The following CDC14A variants were observed in gnomAD, a reference collection of about 807,000 sequenced individuals.
CDC14A encodes dual specificity protein phosphatase CDC14A.
Under a neutral mutation model 74.4 loss-of-function variants are expected in CDC14A, and 53 were observed. The ratio of observed to expected loss-of-function variants is 0.71; its 90% CI spans 0.57 to 0.89. CDC14A has a LOEUF of 0.89. CDC14A is among the 40% of genes least tolerant of loss of function. CDC14A has a pLI of 0.00. For synonymous variants in CDC14A, 247 were observed against 258.4 expected, an observed-to-expected ratio of 0.96 and a Z score of 0.43; for missense variants, 646 against 713.7, an observed-to-expected ratio of 0.91 and a Z score of 1.08.
intron 4 of CDC14A, among the ~76,000 whole-genome samples, chr1:100,392,754 C>G (rs1299229650): frequency 1.3e-5 from 2 of 152,132 alleles, no homozygotes; most frequent in East Asian, 3.8e-4. Flanking sequence ...GCCCACATGG[C>G]TCAAAATTAA....
chr1:100,431,930 T>C (rs1663739239), intron 5 of CDC14A, among the ~76,000 whole-genome samples: 1 of 152,112 alleles, frequency 6.6e-6, no homozygotes. Flanking sequence ...TCTTGGTCTG[T>C]TTTTCTGGTG....
At chr1:100,483,024 G>A (rs368974356) in intron 10 of CDC14A, among the ~76,000 whole-genome samples, 10 of 152,038 alleles carry the variant, frequency 6.6e-5, no homozygotes, top group East Asian at 3.8e-4. Context: ...CCTTGTCTTT[G>A]CTATTGTGAA....
intron 5 of CDC14A, 49 bp downstream of exon 5, chr1:100,424,350 C>A: frequency 7.7e-7 from 1 of 1,290,650 alleles, no homozygotes; most frequent in Non-Finnish European, 1.1e-6. Flanking sequence ...CAGAGCTGGA[C>A]ACTTTAGAGT....
At chr1:100,390,704 A>G (rs1390315054) in intron 3 of CDC14A, 28 bp from the exon 4 acceptor site, 1 of 1,423,530 alleles carries the variant, frequency 7.0e-7, no homozygotes, top group Non-Finnish European at 9.9e-7. Context: ...CTATGGTTAC[A>G]CTAACTCTTT....
intron 3 of CDC14A, among the ~76,000 whole-genome samples, chr1:100,388,137 A>G (rs1280462623): frequency 3.3e-5 from 5 of 152,208 alleles, no homozygotes; most frequent in Admixed American, 3.3e-4. Context: ...GAGCCATAAG[A>G]GCGTCGAGTC....
rs17122597 is a variant in CDC14A at position 100,468,020 on chromosome 1, T to A, written c.903T>A (p.His301Gln). The A allele has an allele frequency of 6.2e-7, 1 of 1,613,030 alleles. No homozygotes were observed. The highest frequency in any genetic ancestry group is 1.7e-5 in the Admixed American group (1 of 59,838). The change falls in exon 10 of 16, where the codon CAT (histidine) becomes CAA (glutamine). Residue 301 changes from histidine to glutamine, a missense_variant. His to Gln is a conservative substitution (Grantham distance 24). Transcript: ENST00000336454. ...TAATGAAACACTACAGGTTTACACATGCTGAAATAATTGCTTGGATTAGAA... is the reference window on the plus strand; with the variant it reads ...TAATGAAACACTACAGGTTTACACAAGCTGAAATAATTGCTTGGATTAGAA... ...CYVMKHYRFTHAEIIAWIRIC... is the reference protein window; with the variant it reads ...CYVMKHYRFTQAEIIAWIRIC...
chr1:100,412,985 A>G (rs923899165), intron 4 of CDC14A, among the ~76,000 whole-genome samples: 1 of 151,076 alleles, frequency 6.6e-6, no homozygotes, highest in Non-Finnish European at 1.5e-5. Context: ...TAAACCCGGG[A>G]GATGGAGGTT....
upstream of CDC14A, among the ~76,000 whole-genome samples, chr1:100,351,444 A>G (rs1487680857): frequency 2.0e-5 from 3 of 152,228 alleles, no homozygotes; most frequent in Non-Finnish European, 4.4e-5. Flanking sequence ...CTGATTAGGT[A>G]CAGCCTTAGG....
chr1:100,447,536 A>G (rs1216496747), intron 7 of CDC14A, among the ~76,000 whole-genome samples: 1 of 152,242 alleles, frequency 6.6e-6, no homozygotes, highest in African/African-American at 2.4e-5. Context: ...TTCTTAAGGT[A>G]TTCTCAAAGA....
chr1:100,418,299 A>T lies in CDC14A; in HGVS notation c.310-5923A>T, dbSNP rs530774414. On this transcript the variant is annotated intron_variant, in intron 4 of 15. Transcript: ENST00000336454. ...GGGAAAAGGTTCTGAGTTGGAGAAG[A>T]AAGGCATCATGGGACATAGTATTTG... Among the ~76,000 whole-genome samples, 241 of 152,318 alleles carry T rather than the reference A, an allele frequency of 1.6e-3. 1 individual carries two copies. Among genetic ancestry groups the T allele is most frequent in the African/African-American group, 5.6e-3 (231 of 41,588 alleles).
At chr1:100,457,670 T>C (rs544259826) in intron 8 of CDC14A, among the ~76,000 whole-genome samples, 4 of 151,080 alleles carry the variant, frequency 2.6e-5, no homozygotes, top group Non-Finnish European at 5.9e-5. Flanking sequence ...GAGGTCTCTA[T>C]GTTGCCCGGG....
At chr1:100,363,268 G>T (rs1653048184) in intron 2 of CDC14A, 1 of 152,226 alleles carries the variant, frequency 6.6e-6, no homozygotes, top group Admixed American at 6.5e-5. Flanking sequence ...ATTCACCTGT[G>T]CAAGTTTCCA....
chr1:100,431,351 A>T (rs1663659147), intron 5 of CDC14A, among the ~76,000 whole-genome samples: 1 of 151,616 alleles, frequency 6.6e-6, no homozygotes, highest in Admixed American at 6.6e-5. Flanking sequence ...TACCAAACTT[A>T]GTGAAGTAGG....
At chr1:100,367,331 A>G (rs549747331) in intron 2 of CDC14A, among the ~76,000 whole-genome samples, 65 of 152,262 alleles carry the variant, frequency 4.3e-4, no homozygotes, top group African/African-American at 1.5e-3. Context: ...AATAGTATGT[A>G]TTATAAGTAT....
intron 15 of CDC14A, among the ~76,000 whole-genome samples, chr1:100,516,526 T>A (rs1650241208): frequency 6.6e-6 from 1 of 152,152 alleles, no homozygotes; most frequent in African/African-American, 2.4e-5. Flanking sequence ...AAAAGTTAAA[T>A]ATTCTCAAGA....
At chr1:100,464,856 C>T (rs183721151) in intron 9 of CDC14A, among the ~76,000 whole-genome samples, 1 of 151,872 alleles carries the variant, frequency 6.6e-6, no homozygotes, top group African/African-American at 2.4e-5. Context: ...ATATCCTTGA[C>T]CTGTGAATGT....
At chr1:100,501,911 A>T (rs1250938711) in intron 15 of CDC14A, among the ~76,000 whole-genome samples, 1 of 152,000 alleles carries the variant, frequency 6.6e-6, no homozygotes, top group African/African-American at 2.4e-5. Flanking sequence ...TATTTAAAAT[A>T]AAAAAAATAG....
intron 7 of CDC14A, among the ~76,000 whole-genome samples, chr1:100,448,075 A>G (rs1285223047): frequency 6.6e-6 from 1 of 152,148 alleles, no homozygotes; most frequent in Non-Finnish European, 1.5e-5. Flanking sequence ...ATGCAGAGAA[A>G]TGGTGCTTCA....
intron 8 of CDC14A, among the ~76,000 whole-genome samples, chr1:100,459,540 A>G (rs929459993): frequency 4.6e-5 from 7 of 152,152 alleles, no homozygotes; most frequent in Non-Finnish European, 1.0e-4. Context: ...TTTAATAATG[A>G]CTGAGTGAAC....
Sources: gnomAD v4.1 joint callset for allele counts (sites outside exome capture counted in the v4.1 genomes callset) on GRCh38, gnomAD v4.1.1 for gene constraint, MANE v1.5 for transcripts, NCBI Gene and HGNC (gene_info 2026-07-23, HGNC 2026-07-21) for gene names.